Variants in PTPRQ observed in about 807,000 individuals in gnomAD.
PTPRQ encodes phosphatidylinositol phosphatase PTPRQ.
Under a neutral mutation model 246.0 loss-of-function variants are expected in PTPRQ, and 199 were observed. That is an observed-to-expected ratio of 0.81 (90% CI 0.72 to 0.91). The LOEUF (loss-of-function observed/expected upper bound fraction) is 0.91, where lower values mean the gene tolerates loss of function less well. Among genes scored for constraint, PTPRQ ranks in the 40% least tolerant of loss-of-function variants. The pLI, the probability that PTPRQ is intolerant of heterozygous loss-of-function variation, is 0.00. For missense variants in PTPRQ, 2,624 were observed against 2,528.4 expected, an observed-to-expected ratio of 1.04 and a Z score of -0.81; for synonymous variants, 869 against 853.2, an observed-to-expected ratio of 1.02 and a Z score of -0.32.
At chr12:80,666,287 A>G (rs1012568553) in intron 39 of PTPRQ, among the ~76,000 whole-genome samples, 2 of 152,024 alleles carry the variant, frequency 1.3e-5, no homozygotes, top group Admixed American at 1.3e-4. Context: ...AGCTTGGAGA[A>G]CATTATGATA....
At chr12:80,612,674 A>T (rs950838302) in intron 28 of PTPRQ, among the ~76,000 whole-genome samples, 9 of 150,366 alleles carry the variant, frequency 6.0e-5, no homozygotes, top group African/African-American at 2.2e-4. Flanking sequence ...CAGTAGTCAC[A>T]CTCTTGGGCA....
At chr12:80,500,589 A>T (rs941480607) in intron 14 of PTPRQ, among the ~76,000 whole-genome samples, 1 of 152,006 alleles carries the variant, frequency 6.6e-6, no homozygotes. Context: ...AGCATCACAA[A>T]TTCCCTTTTT....
chr12:80,482,634 A>G (rs1449929856), intron 8 of PTPRQ, among the ~76,000 whole-genome samples: 1 of 151,020 alleles, frequency 6.6e-6, no homozygotes, highest in Middle Eastern at 3.2e-3. Context: ...CATCTGACAA[A>G]GGGCTAATAT....
intron 35 of PTPRQ, among the ~76,000 whole-genome samples, chr12:80,643,889 C>T (rs962143238): frequency 1.3e-5 from 2 of 152,174 alleles, no homozygotes; most frequent in South Asian, 2.1e-4. Context: ...CAAGTACATG[C>T]TATGGGATAC....
chr12:80,623,717 A>G (rs1483147889), intron 33 of PTPRQ, among the ~76,000 whole-genome samples: 1 of 152,160 alleles, frequency 6.6e-6, no homozygotes, highest in Non-Finnish European at 1.5e-5. Flanking sequence ...GTATTGTATG[A>G]TGTTGTCTTT....
intron 25 of PTPRQ, among the ~76,000 whole-genome samples, chr12:80,571,365 G>T (rs964904799): frequency 3.7e-4 from 56 of 152,286 alleles, no homozygotes; most frequent in African/African-American, 1.2e-3. Flanking sequence ...GTCTCGAACT[G>T]CTGACCTCAT....
chr12:80,478,294 C>G (rs1286221170), intron 8 of PTPRQ, among the ~76,000 whole-genome samples: 40 of 148,884 alleles, frequency 2.7e-4, no homozygotes, highest in South Asian at 1.3e-3. Context: ...TGGCCAGGTA[C>G]TCCAACAGAC....
chr12:80,447,969 A>T (rs1370305982), intron 3 of PTPRQ, among the ~76,000 whole-genome samples: 1 of 125,696 alleles, frequency 8.0e-6, no homozygotes, highest in Non-Finnish European at 1.5e-5. Flanking sequence ...AATTGTGTTG[A>T]ATCTGTAGAT....
intron 19 of PTPRQ, among the ~76,000 whole-genome samples, chr12:80,537,586 A>G (rs1019661699): frequency 2.6e-5 from 4 of 152,198 alleles, no homozygotes; most frequent in African/African-American, 9.6e-5. Context: ...GACCAACATC[A>G]CTTTTAGTAC....
intron 35 of PTPRQ, among the ~76,000 whole-genome samples, chr12:80,638,731 G>A (rs1899748475): frequency 6.6e-6 from 1 of 152,046 alleles, no homozygotes; most frequent in Non-Finnish European, 1.5e-5. Context: ...CCAAATGAGA[G>A]CAGGAGTCAA....
intron 14 of PTPRQ, among the ~76,000 whole-genome samples, chr12:80,503,843 T>C (rs1894874582): frequency 6.6e-6 from 1 of 151,766 alleles, no homozygotes; most frequent in South Asian, 2.1e-4. Flanking sequence ...ATTGTCTGAA[T>C]ATGTTTTTAG....
intron 14 of PTPRQ, among the ~76,000 whole-genome samples, chr12:80,502,472 T>G (rs1458857601): frequency 6.6e-6 from 1 of 151,976 alleles, no homozygotes; most frequent in Non-Finnish European, 1.5e-5. Flanking sequence ...CATAGAATGG[T>G]GTTTTATTCA....
At chr12:80,511,981 G>T (rs1006303390) in intron 17 of PTPRQ, among the ~76,000 whole-genome samples, 2 of 152,298 alleles carry the variant, frequency 1.3e-5, no homozygotes, top group South Asian at 4.1e-4. Context: ...GGGATGCTAG[G>T]CTATTTTAGT....
intron 35 of PTPRQ, among the ~76,000 whole-genome samples, chr12:80,645,989 G>A (rs1471894969): frequency 6.6e-6 from 1 of 152,080 alleles, no homozygotes; most frequent in Non-Finnish European, 1.5e-5. Context: ...TAGAAATCCA[G>A]ACTTGGATTT....
chr12:80,636,807 T>C (rs2400810), intron 35 of PTPRQ, among the ~76,000 whole-genome samples: 7,584 of 152,296 alleles, frequency 0.05, 287 homozygotes, highest in Middle Eastern at 0.088. Flanking sequence ...TTTTTGTTTA[T>C]TATGTCATGT....
chr12:80,641,766 C>T (rs1303463792), intron 35 of PTPRQ, among the ~76,000 whole-genome samples: 2 of 152,034 alleles, frequency 1.3e-5, no homozygotes, highest in Admixed American at 6.6e-5. Flanking sequence ...GACTCAGAGG[C>T]GGTTTGGTTG....
At chr12:80,552,705 G>C (rs1416371089) in intron 25 of PTPRQ, among the ~76,000 whole-genome samples, 1 of 113,188 alleles carries the variant, frequency 8.8e-6, no homozygotes, top group African/African-American at 3.4e-5. Flanking sequence ...TTGGAAATTT[G>C]AATTCCGTCT....
intron 41 of PTPRQ, 112 bp downstream of exon 41, chr12:80,669,576 A>G (rs1266207650): frequency 7.3e-7 from 1 of 1,367,886 alleles, no homozygotes. Context: ...CTGTATATTC[A>G]ACAATGCTTT....
At chr12:80,470,374 C>G (rs1220189656) in intron 7 of PTPRQ, among the ~76,000 whole-genome samples, 10 of 152,140 alleles carry the variant, frequency 6.6e-5, no homozygotes, top group Admixed American at 3.9e-4. Context: ...CAAATATTTT[C>G]TAACTGGTTT....
Sources: allele counts gnomAD v4.1 joint callset (sites outside exome capture counted in the v4.1 genomes callset), GRCh38; gene constraint gnomAD v4.1.1; transcripts MANE v1.5; gene names NCBI Gene and HGNC (gene_info 2026-07-23, HGNC 2026-07-21).